The following IPO5 variants were observed in gnomAD, a reference collection of about 807,000 sequenced individuals.
IPO5 encodes importin 5.
Under a neutral mutation model 143.3 loss-of-function variants are expected in IPO5, and 18 were observed. That is an observed-to-expected ratio of 0.13 (90% CI 0.09 to 0.19). The LOEUF (loss-of-function observed/expected upper bound fraction) is 0.19. Among genes scored for constraint, IPO5 ranks in the 10% least tolerant of loss-of-function variants. The pLI, the probability that IPO5 is intolerant of heterozygous loss-of-function variation, is 1.00. For missense variants in IPO5, 1,013 were observed against 1,336.9 expected, an observed-to-expected ratio of 0.76 and a Z score of 3.78; for synonymous variants, 477 against 465.7, an observed-to-expected ratio of 1.02 and a Z score of -0.31.
intron 3 of IPO5, among the ~76,000 whole-genome samples, chr13:97,971,730 C>T (rs1017980550): frequency 1.3e-5 from 2 of 152,114 alleles, no homozygotes; most frequent in African/African-American, 2.4e-5. Flanking sequence ...AGGAGGATCG[C>T]TTGAGCCCAG....
chr13:97,977,703 G>T (rs1886496888), intron 4 of IPO5, among the ~76,000 whole-genome samples: 1 of 152,144 alleles, frequency 6.6e-6, no homozygotes, highest in South Asian at 2.1e-4. Context: ...TTCACTAGAA[G>T]ACTGATGTTA....
chr13:97,992,807 A>C, intron 9 of IPO5, 85 bp from the exon 10 acceptor site: 1 of 1,338,092 alleles, frequency 7.5e-7, no homozygotes. Context: ...ATATTTCTCT[A>C]TTGTCAGCAT....
rs1179133934 is a variant in IPO5 at position 98,015,772 on chromosome 13, A to G, written c.2484A>G (p.Leu828=). The change falls in exon 24 of 29, where the codon CTA becomes CTG. Residue 828 remains leucine, a synonymous_variant. Coordinates refer to ENST00000651721, the MANE Select transcript of IPO5 (RefSeq NM_002271.6). The stretch of plus-strand genomic sequence containing the variant: ...ATGATGAACAGGTCGAAGAGTCACT[A>G]CAAGATGAGGTAAGTTATTCCCTTT... ...EDYDEQVEES[L]QDEDDNDVYI... is the part of the protein sequence containing the mutation. The G allele has an allele frequency of 2.5e-6, 4 of 1,605,578 alleles. No homozygotes were observed. Among genetic ancestry groups the G allele is most frequent in the Admixed American group, 1.7e-5 (1 of 58,448 alleles).
chr13:97,997,400 G>A (rs1888384961), intron 11 of IPO5, 131 bp from the exon 12 acceptor site: 1 of 457,094 alleles, frequency 2.2e-6, no homozygotes, highest in Non-Finnish European at 3.9e-6. Context: ...AGGTTTTGGG[G>A]GCACAGACAA....
chr13:97,992,625 T>G (rs1219150976), intron 9 of IPO5, among the ~76,000 whole-genome samples: 1 of 152,200 alleles, frequency 6.6e-6, no homozygotes, highest in African/African-American at 2.4e-5. Flanking sequence ...TTGGTAGCCT[T>G]AAGTATTGTA....
At chr13:97,991,324 A>G (rs1887783332) in intron 9 of IPO5, among the ~76,000 whole-genome samples, 1 of 152,224 alleles carries the variant, frequency 6.6e-6, no homozygotes, top group Admixed American at 6.5e-5. Flanking sequence ...ACACTGGAAG[A>G]CATAATAGAC....
chr13:97,989,809 C>T (rs916777614), intron 7 of IPO5, among the ~76,000 whole-genome samples: 2 of 152,138 alleles, frequency 1.3e-5, no homozygotes, highest in African/African-American at 2.4e-5. Flanking sequence ...TAGTTTTCAT[C>T]TGAAAACCTG....
At chr13:97,984,326 G>T (rs1413759532) in intron 5 of IPO5, among the ~76,000 whole-genome samples, 1 of 152,132 alleles carries the variant, frequency 6.6e-6, no homozygotes, top group East Asian at 1.9e-4. Flanking sequence ...AATTCTTGAA[G>T]ATTAGTGCAA....
At chr13:97,971,769 C>G (rs925248264) in intron 3 of IPO5, among the ~76,000 whole-genome samples, 1 of 152,048 alleles carries the variant, frequency 6.6e-6, no homozygotes, top group African/African-American at 2.4e-5. Flanking sequence ...GGCAATATAG[C>G]AAGACCCCAT....
At chr13:97,988,338 G>A (rs1887545987) in intron 6 of IPO5, among the ~76,000 whole-genome samples, 1 of 152,214 alleles carries the variant, frequency 6.6e-6, no homozygotes. Context: ...AAGTTCCAAA[G>A]TAGTTGTTAC....
chr13:98,001,641 C>T (rs1158739500), intron 13 of IPO5: 9 of 152,368 alleles, frequency 5.9e-5, no homozygotes, highest in Non-Finnish European at 8.8e-5. Flanking sequence ...CCACACCCAG[C>T]TAATTTTTGT....
intron 11 of IPO5, among the ~76,000 whole-genome samples, chr13:97,997,200 T>C (rs1030839050): frequency 1.3e-5 from 2 of 152,214 alleles, no homozygotes; most frequent in African/African-American, 2.4e-5. Context: ...TATAGAGATA[T>C]GGAAATCTGT....
intron 2 of IPO5, among the ~76,000 whole-genome samples, chr13:97,964,390 C>T (rs1415375718): frequency 1.3e-5 from 2 of 150,926 alleles, no homozygotes; most frequent in Non-Finnish European, 2.9e-5. Flanking sequence ...AGGAATGGGT[C>T]CAGTTTGTGT....
intron 2 of IPO5, among the ~76,000 whole-genome samples, chr13:97,969,276 GGT>G (rs1375488972): frequency 1.4e-5 from 2 of 143,308 alleles, no homozygotes; most frequent in East Asian, 4.5e-4. Flanking sequence ...CTGCCTCCCA[GGT>G]TCACACCATT....
At chr13:97,997,193 A>G (rs1271589607) in intron 11 of IPO5, among the ~76,000 whole-genome samples, 1 of 152,238 alleles carries the variant, frequency 6.6e-6, no homozygotes, top group Non-Finnish European at 1.5e-5. Context: ...AATTTTGTAT[A>G]GAGATATGGA....
At chr13:97,987,608 C>T (rs953715443) in intron 6 of IPO5, among the ~76,000 whole-genome samples, 2 of 152,162 alleles carry the variant, frequency 1.3e-5, no homozygotes, top group African/African-American at 2.4e-5. Flanking sequence ...CAGCCTCCAC[C>T]TCCCAAGTTT....
At chr13:98,020,124 GTCGCAAAC>G (rs769662751) in intron 27 of IPO5, among the ~76,000 whole-genome samples, 29 of 152,178 alleles carry the variant, frequency 1.9e-4, no homozygotes, top group Admixed American at 8.5e-4. Flanking sequence ...GCACAGGCAG[GTCGCAAAC>G]TCTTGGCCTC....
intron 25 of IPO5, among the ~76,000 whole-genome samples, chr13:98,017,674 C>T (rs1392446740): frequency 1.3e-5 from 2 of 152,202 alleles, no homozygotes; most frequent in Non-Finnish European, 2.9e-5. Flanking sequence ...CCATGTGCCT[C>T]TGCCCCTGTG....
intron 6 of IPO5, among the ~76,000 whole-genome samples, chr13:97,988,558 C>G (rs1297998053): frequency 1.3e-5 from 2 of 152,218 alleles, no homozygotes; most frequent in African/African-American, 4.8e-5. Context: ...AAGGCCAAGG[C>G]AAGTGGATCA....
Sources: gnomAD v4.1 joint callset for allele counts (sites outside exome capture counted in the v4.1 genomes callset) on GRCh38, gnomAD v4.1.1 for gene constraint, MANE v1.5 for transcripts, NCBI Gene and HGNC (gene_info 2026-07-23, HGNC 2026-07-21) for gene names.